DTNB: variants seen among roughly 807,000 people sequenced by gnomAD.
DTNB encodes DTN-B.
A neutral mutation model predicts 90.7 loss-of-function variants in DTNB; 63 were observed. The ratio of observed to expected loss-of-function variants is 0.69; its 90% CI spans 0.57 to 0.86. The LOEUF (loss-of-function observed/expected upper bound fraction) is 0.86. Ranked by LOEUF, DTNB falls within the 40% of genes least tolerant of loss-of-function variation. DTNB has a pLI of 0.00. For missense variants in DTNB, 744 were observed against 807.1 expected, an observed-to-expected ratio of 0.92 and a Z score of 0.95; for synonymous variants, 277 against 286.7, an observed-to-expected ratio of 0.97 and a Z score of 0.34.
intron 12 of DTNB, among the ~76,000 whole-genome samples, chr2:25,436,226 T>C (rs2055712732): frequency 6.6e-6 from 1 of 151,830 alleles, no homozygotes; most frequent in Non-Finnish European, 1.5e-5. Flanking sequence ...TCTCAGCTAC[T>C]TGGGAGGCTG....
chr2:25,611,547 A>G (rs150393426), intron 4 of DTNB, among the ~76,000 whole-genome samples: 29 of 152,302 alleles, frequency 1.9e-4, no homozygotes, highest in African/African-American at 5.8e-4. Flanking sequence ...GAATCCACAC[A>G]TGGGAATCTG....
chr2:25,665,180 T>C (rs137911609), intron 1 of DTNB, among the ~76,000 whole-genome samples: 15 of 152,326 alleles, frequency 9.8e-5, no homozygotes, highest in African/African-American at 2.2e-4. Context: ...TTGTGTTAAA[T>C]AGCCTTTATT....
At chr2:25,513,751 C>CAA (rs766882625) in intron 9 of DTNB, among the ~76,000 whole-genome samples, 18 of 106,938 alleles carry the variant, frequency 1.7e-4, no homozygotes, top group African/African-American at 3.5e-4. Context: ...ACAAAACAAC[C>CAA]AAAAAAAAAA....
In DTNB at chr2:25,388,352, T is replaced by C. The variant is rs775212674; in HGVS notation, c.1585A>G (p.Thr529Ala). ...EEEQKQAAQA[T>A]GSPHTSPTHG... ...GTGGGCGATGTATGTGGTGACCCTG[T>C]GGCCTGAGCCTGGAGATTCAAAGAC... The change falls in exon 17 of 21, where the codon ACA becomes GCA. Residue 529 changes from threonine to alanine, a missense_variant. Thr to Ala is a moderately conservative substitution (Grantham distance 58). Coordinates refer to ENST00000406818, the MANE Select transcript of DTNB (RefSeq NM_021907.5). The C allele has an allele frequency of 1.9e-6, 3 of 1,604,356 alleles. No homozygotes were observed. Among genetic ancestry groups the C allele is most frequent in the South Asian group, 2.2e-5 (2 of 90,502 alleles).
intron 1 of DTNB, among the ~76,000 whole-genome samples, chr2:25,654,052 A>T (rs887591083): frequency 6.6e-6 from 1 of 152,174 alleles, no homozygotes; most frequent in Non-Finnish European, 1.5e-5. Context: ...TACCCGGTAG[A>T]TATAATGCCC....
chr2:25,483,210 G>A (rs2065357916), intron 9 of DTNB, among the ~76,000 whole-genome samples: 1 of 152,212 alleles, frequency 6.6e-6, no homozygotes, highest in Admixed American at 6.5e-5. Context: ...CGTAACTTTG[G>A]TGGCTTTTGC....
intron 9 of DTNB, among the ~76,000 whole-genome samples, chr2:25,515,121 A>G (rs1191586204): frequency 6.6e-5 from 10 of 152,160 alleles, no homozygotes; most frequent in Admixed American, 6.5e-4. Context: ...TGTGCCCTAT[A>G]CAGGACTCAA....
At chr2:25,669,703 G>A (rs150092882) in intron 1 of DTNB, among the ~76,000 whole-genome samples, 108 of 152,208 alleles carry the variant, frequency 7.1e-4, no homozygotes, top group Middle Eastern at 3.4e-3. Flanking sequence ...GTCCACAACC[G>A]GGCCAGGTGC....
At chr2:25,669,677 G>A (rs1347668620) in intron 1 of DTNB, among the ~76,000 whole-genome samples, 1 of 152,154 alleles carries the variant, frequency 6.6e-6, no homozygotes, top group Non-Finnish European at 1.5e-5. Flanking sequence ...AAAAGGACAC[G>A]TGCGCTGTGA....
intron 16 of DTNB, among the ~76,000 whole-genome samples, chr2:25,411,355 G>A (rs959952460): frequency 2.7e-5 from 4 of 147,704 alleles, no homozygotes; most frequent in African/African-American, 5.0e-5. Context: ...GTGAAACTCC[G>A]TTTCAAAAAA....
At chr2:25,378,628 T>A (rs918397297) in intron 20 of DTNB, among the ~76,000 whole-genome samples, 4 of 152,196 alleles carry the variant, frequency 2.6e-5, no homozygotes, top group African/African-American at 9.7e-5. Flanking sequence ...AGAAGTCTGA[T>A]ATCTTGGTGC....
chr2:25,429,170 A>G (rs753350822), intron 14 of DTNB, among the ~76,000 whole-genome samples: 6 of 152,220 alleles, frequency 3.9e-5, no homozygotes, highest in Non-Finnish European at 8.8e-5. Flanking sequence ...GAAACAGCAA[A>G]GTATCTGGAT....
At chr2:25,630,388 T>A (rs139177370) in intron 3 of DTNB, among the ~76,000 whole-genome samples, 1 of 152,204 alleles carries the variant, frequency 6.6e-6, no homozygotes, top group Non-Finnish European at 1.5e-5. Context: ...TCCTACAGAA[T>A]TGAAAACATA....
intron 9 of DTNB, among the ~76,000 whole-genome samples, chr2:25,526,351 A>AT (rs2077072082): frequency 9.5e-6 from 1 of 105,552 alleles, no homozygotes; most frequent in Non-Finnish European, 1.7e-5. Flanking sequence ...TAGCACTTAT[A>AT]AATATATATA....
chr2:25,496,202 G>A (rs947420611), intron 9 of DTNB, among the ~76,000 whole-genome samples: 6 of 152,120 alleles, frequency 3.9e-5, no homozygotes, highest in Non-Finnish European at 8.8e-5. Flanking sequence ...AAAAGCAGTC[G>A]AGAGTCTTAT....
At position 25,500,337 on chromosome 2, in the gene DTNB, T is replaced by C. The variant is rs2070255936; in HGVS notation, c.1002-17464A>G. 2.6e-5 allele frequency among the ~76,000 whole-genome samples: 4 copies of C among 152,310 alleles called. No individual in the cohort carries two copies. In the South Asian group the frequency reaches 8.3e-4, roughly 32 times the overall value. ...AAGGAATTCAAAGAAGGCTGGTAGATAAGCCATTTGGGATAGCAAAAATCT... is the reference window on the plus strand; with the variant it reads ...AAGGAATTCAAAGAAGGCTGGTAGACAAGCCATTTGGGATAGCAAAAATCT... On this transcript the variant is annotated intron_variant, in intron 9 of 20. Transcript: ENST00000406818.
chr2:25,472,758 C>T (rs2063047253), intron 10 of DTNB, among the ~76,000 whole-genome samples: 2 of 152,128 alleles, frequency 1.3e-5, no homozygotes, highest in South Asian at 4.1e-4. Flanking sequence ...GTGGCACACG[C>T]CTGTAGTCAC....
chr2:25,509,177 C>T (rs2073323500), intron 9 of DTNB, among the ~76,000 whole-genome samples: 1 of 152,102 alleles, frequency 6.6e-6, no homozygotes, highest in African/African-American at 2.4e-5. Flanking sequence ...ACTGCACTAG[C>T]TAGGATCACT....
chr2:25,671,954 A>T (rs150829643), intron 1 of DTNB, among the ~76,000 whole-genome samples: 257 of 152,272 alleles, frequency 1.7e-3, no homozygotes, highest in African/African-American at 4.6e-3. Context: ...AAGACCCAAG[A>T]ACCAGGACCA....
Sources: allele counts gnomAD v4.1 joint callset (sites outside exome capture counted in the v4.1 genomes callset), GRCh38; gene constraint gnomAD v4.1.1; transcripts MANE v1.5; gene names NCBI Gene and HGNC (gene_info 2026-07-23, HGNC 2026-07-21).